Variants in SETD5 observed in about 807,000 individuals in gnomAD.
SETD5 encodes the protein SET domain containing 5.
A neutral mutation model predicts 153.3 loss-of-function variants in SETD5; 44 were observed. The ratio of observed to expected loss-of-function variants is 0.29; its 90% CI spans 0.23 to 0.37. SETD5 has a LOEUF of 0.37. SETD5 is among the 10% of genes least tolerant of loss of function. SETD5 has a pLI of 1.00. For synonymous variants in SETD5, 716 were observed against 645.2 expected (o/e 1.11, Z -1.66); for missense variants, 1,544 against 1,768.0 (o/e 0.87, Z 2.27).
Position 9,476,039 on chromosome 3 carries a change from GACTCCAGCC to G in SETD5, c.4281_4289del (p.Pro1429_Gln1431del), listed in dbSNP as rs1559501259. 2.5e-6 allele frequency: 4 copies of G among 1,613,560 alleles called. No individual in the cohort carries two copies. The highest frequency in any genetic ancestry group is 1.3e-5 in the African/African-American group (1 of 74,920). ...GGGAGTGGGGGTGTGCACCAGTACC[GACTCCAGCC>G]ACTGCAAGGGTCAGGAGTCAAGACT... On this transcript the variant is annotated inframe_deletion, in exon 23 of 23. Transcript: ENST00000402198.
intron 17 of SETD5, among the ~76,000 whole-genome samples, chr3:9,455,168 C>CTTTTTTTTTTTTTTTTTTTT (rs903600741): frequency 1.2e-3 from 120 of 99,896 alleles, no homozygotes; most frequent in African/African-American, 1.7e-3. Context: ...TTCTTTTTTT[C>CTTTTTTTTTTTTTTTTTTTT]TTTTTTTTTT....
At chr3:9,408,513 T>C (rs1575181117) in intron 1 of SETD5, among the ~76,000 whole-genome samples, 1 of 152,350 alleles carries the variant, frequency 6.6e-6, no homozygotes, top group South Asian at 2.1e-4. Context: ...ATTCTGTTTT[T>C]TCCATGTAGG....
chr3:9,410,266 G>T (rs1328006394), intron 1 of SETD5, among the ~76,000 whole-genome samples: 1 of 152,170 alleles, frequency 6.6e-6, no homozygotes, highest in African/African-American at 2.4e-5. Flanking sequence ...TAAACATACG[G>T]TATAAAAGAT....
At chr3:9,446,920 C>A in intron 13 of SETD5, 130 bp from the exon 14 acceptor site, 3 of 618,010 alleles carry the variant, frequency 4.9e-6, no homozygotes, top group Non-Finnish European at 8.3e-6. Context: ...TTCTGTTTTC[C>A]AAGTTATATG....
intron 7 of SETD5, among the ~76,000 whole-genome samples, chr3:9,436,454 G>T (rs1459641370): frequency 6.6e-6 from 1 of 152,148 alleles, no homozygotes; most frequent in Non-Finnish European, 1.5e-5. Context: ...CAGCAACTTT[G>T]TTGCTTCTAG....
At chr3:9,464,079 G>A (rs2044286050) in intron 17 of SETD5, among the ~76,000 whole-genome samples, 1 of 152,208 alleles carries the variant, frequency 6.6e-6, no homozygotes, top group African/African-American at 2.4e-5. Flanking sequence ...AGTGAGCTAA[G>A]TAAATGCCAT....
rs774045749 is a variant in SETD5 at position 9,470,901 on chromosome 3, C to T, written c.3167C>T (p.Ala1056Val). The T allele has an allele frequency of 1.9e-6, 3 of 1,594,560 alleles. No homozygotes were observed. In the East Asian group the frequency reaches 6.7e-5, roughly 36 times the overall value. The stretch of plus-strand genomic sequence containing the variant: ...AGGGCCTGTGAAGGAGTCCCATCTG[C>T]CCCCCAGAACCCACCACAGAGGAAA... ...GERACEGVPS[A>V]PQNPPQRKKV... The change falls in exon 19 of 23, where the codon GCC (alanine) becomes GTC (valine). Residue 1056 changes from alanine (A) to valine (V), a missense_variant. Transcript: ENST00000402198.
chr3:9,446,570 A>G (rs2042038691), intron 13 of SETD5, among the ~76,000 whole-genome samples: 1 of 150,922 alleles, frequency 6.6e-6, no homozygotes, highest in African/African-American at 2.4e-5. Context: ...TCAACTCACC[A>G]CAATCTCTGC....
intron 1 of SETD5, among the ~76,000 whole-genome samples, chr3:9,410,790 A>C (rs2036443036): frequency 6.6e-6 from 1 of 151,354 alleles, no homozygotes; most frequent in Non-Finnish European, 1.5e-5. Flanking sequence ...GGAATGTGGA[A>C]ATTTCTGTTC....
intron 7 of SETD5, among the ~76,000 whole-genome samples, chr3:9,439,698 AC>A (rs1240178478): frequency 6.6e-6 from 1 of 152,162 alleles, no homozygotes; most frequent in African/African-American, 2.4e-5. Context: ...CAATACTGTC[AC>A]CATAGAGGGC....
rs759329345 is a variant in SETD5 at position 9,475,678 on chromosome 3, G to T, written c.3916G>T (p.Val1306Leu). 3 of 1,613,840 alleles carry T rather than the reference G, an allele frequency of 1.9e-6. No individual in the cohort carries two copies. The Admixed American group carries it at 5.0e-5, about 27-fold the overall frequency. ...STSYSSPAHP[V>L]STDSLAPFTG... ...GTCCTATTCCAGCCCCGCCCACCCT[G>T]TGTCCACAGACTCGTTGGCCCCATT... Residue 1306 changes from valine (V) to leucine (L), a missense_variant, in exon 23 of 23, where the codon GTG (valine) becomes TTG (leucine). Transcript: ENST00000402198.
Position 9,468,806 on chromosome 3 carries a change from G to A in SETD5, c.2725-1653G>A, listed in dbSNP as rs78295750. On this transcript the variant is annotated intron_variant, in intron 18 of 22. Coordinates refer to ENST00000402198, the MANE Select transcript of SETD5 (RefSeq NM_001080517.3). ...TAGGAGCGTGTGTGTTTGTGTGTGT[G>A]TGTGTTGTGTGTGTGTTTGGTGGGG... 5.3e-3 allele frequency among the ~76,000 whole-genome samples: 807 copies of A among 152,180 alleles called. 10 individuals carry two copies. Among genetic ancestry groups the A allele is most frequent in the African/African-American group, 0.019 (779 of 41,514 alleles).
intron 2 of SETD5, among the ~76,000 whole-genome samples, chr3:9,428,032 G>T (rs6799286): frequency 0.022 from 3,420 of 152,082 alleles, 125 homozygotes; most frequent in African/African-American, 0.076. Flanking sequence ...GATTTCGGGG[G>T]TTTTTTTGTT....
chr3:9,445,409 C>T, intron 12 of SETD5, 109 bp downstream of exon 12: 7 of 1,179,976 alleles, frequency 5.9e-6, no homozygotes, highest in Non-Finnish European at 7.3e-6. Context: ...CACTTAGTGC[C>T]CTTTATATCA....
chr3:9,402,335 T>G (rs946537914), intron 1 of SETD5, among the ~76,000 whole-genome samples: 1 of 152,190 alleles, frequency 6.6e-6, no homozygotes, highest in African/African-American at 2.4e-5. Context: ...AAGCTCAGTC[T>G]GCTTTATATG....
intron 3 of SETD5, chr3:9,432,340 ATC>A: frequency 1.0e-6 from 1 of 975,944 alleles, no homozygotes; most frequent in Non-Finnish European, 1.2e-6. Flanking sequence ...TTGGATACAT[ATC>A]TCAGAATTTT....
At chr3:9,443,460 T>C in intron 11 of SETD5, 43 bp downstream of exon 11, 1 of 1,104,228 alleles carries the variant, frequency 9.1e-7, no homozygotes, top group Non-Finnish European at 1.2e-6. Context: ...ATCCATGTCT[T>C]ACATATTAAG....
Position 9,428,853 on chromosome 3 carries a change from G to T in SETD5, c.-86G>T. 1.2e-6 allele frequency: 1 copy of T among 842,494 alleles called. No homozygotes were observed. Among genetic ancestry groups the T allele is most frequent in the Non-Finnish European group, 1.9e-6 (1 of 524,974 alleles). 52.2% of individuals were successfully genotyped at this position (842,494 alleles called of 1,614,324 possible). A position where few individuals can be genotyped will look rare whatever the true frequency, so the allele number is the denominator to read the frequency against. On this transcript the variant is annotated 5_prime_UTR_variant, in exon 3 of 23. It adds an upstream start codon to the 5' untranslated region. Coordinates refer to ENST00000402198, the MANE Select transcript of SETD5 (RefSeq NM_001080517.3). ...CTCATGTCCATAACATGTTGGATGAGGCTCTGCAGCTCACCCCCACTCTCA... is the reference window on the plus strand; with the variant it reads ...CTCATGTCCATAACATGTTGGATGATGCTCTGCAGCTCACCCCCACTCTCA...
At chr3:9,419,643 T>C (rs2038078925) in intron 1 of SETD5, among the ~76,000 whole-genome samples, 1 of 152,218 alleles carries the variant, frequency 6.6e-6, no homozygotes, top group Admixed American at 6.5e-5. Flanking sequence ...ACAAGCTATA[T>C]ATTAACATCT....
Sources: allele counts gnomAD v4.1 joint callset (sites outside exome capture counted in the v4.1 genomes callset), GRCh38; gene constraint gnomAD v4.1.1; transcripts MANE v1.5; gene names NCBI Gene and HGNC (gene_info 2026-07-23, HGNC 2026-07-21).